The following MKRN2OS variants were observed in gnomAD, a reference collection of about 807,000 sequenced individuals.
The protein encoded by MKRN2OS is MKRN2 opposite strand, also known as MKRN2 opposite strand protein.
A neutral mutation model predicts 18.2 loss-of-function variants in MKRN2OS; 17 were observed. That is an observed-to-expected ratio of 0.93 (90% CI 0.64 to 1.40). MKRN2OS has a LOEUF of 1.40. Among genes scored for constraint, MKRN2OS ranks in the 40% most tolerant of loss-of-function variants. The pLI, the probability that MKRN2OS is intolerant of heterozygous loss-of-function variation, is 0.00. For synonymous variants in MKRN2OS, 121 were observed against 108.5 expected, an observed-to-expected ratio of 1.12 and a Z score of -0.72; for missense variants, 337 against 283.0, an observed-to-expected ratio of 1.19 and a Z score of -1.37.
upstream of MKRN2OS, among the ~76,000 whole-genome samples, chr3:12,547,457 C>T (rs919835705): frequency 3.9e-5 from 6 of 151,940 alleles, no homozygotes; most frequent in Non-Finnish European, 8.8e-5. Context: ...GGTGGGAGGA[C>T]TGCTTGAGCC....
At chr3:12,546,309 T>A (rs571423823), upstream of MKRN2OS, among the ~76,000 whole-genome samples, 14 of 152,250 alleles carry the variant, frequency 9.2e-5, no homozygotes, top group South Asian at 4.1e-4. Flanking sequence ...GGGATTTTTT[T>A]AAAAAGTTAA....
chr3:12,557,049 G>GCGTGCGCCGT, intron 1 of MKRN2OS: 1 of 1,274,690 alleles, frequency 7.8e-7, no homozygotes, highest in South Asian at 2.3e-5. Flanking sequence ...GCGTGCGCCG[G>GCGTGCGCCGT]CGTGACGCGG....
At chr3:12,555,807 G>T (rs962136216) in intron 1 of MKRN2OS, among the ~76,000 whole-genome samples, 3 of 152,194 alleles carry the variant, frequency 2.0e-5, no homozygotes, top group Non-Finnish European at 4.4e-5. Context: ...GGATCCTTCC[G>T]GCTCAACCTC....
rs895320296 is a variant in MKRN2OS, at chr3:12,545,360, G to A, written c.105C>T (p.Asp35=). 1 of 1,536,032 alleles carries A rather than the reference G, an allele frequency of 6.5e-7. No individual in the cohort carries two copies. Among genetic ancestry groups the A allele is most frequent in the African/African-American group, 1.4e-5 (1 of 73,152 alleles). Residue 35 remains aspartate (D), a synonymous_variant, in exon 1 of 4, where the codon GAC becomes GAT. Coordinates refer to ENST00000564146, the MANE Select transcript of MKRN2OS (RefSeq NM_001195279.2). The stretch of plus-strand genomic sequence containing the variant: ...CGTCCTCCAGCTTCCTCGAGCCCAG[G>A]TCCTGCTGGCAGAGAGGGCAGCACT... ...VPQCCPLCQQ[D]LGSRKLEDAP...
chr3:12,554,486 G>C (rs1342124166), intron 1 of MKRN2OS, among the ~76,000 whole-genome samples: 2 of 143,606 alleles, frequency 1.4e-5, no homozygotes. Context: ...TGAAATATAT[G>C]AAATATATAT....
chr3:12,555,311 C>CAA (rs35617395), intron 1 of MKRN2OS, among the ~76,000 whole-genome samples: 48,087 of 97,982 alleles, frequency 0.49, 11,215 homozygotes, highest in African/African-American at 0.56. Flanking sequence ...GACTCCGTCT[C>CAA]AAAAAAAAAA....
Position 12,545,348 on chromosome 3 carries a change from C to T in MKRN2OS, c.117G>A (p.Arg39=), listed in dbSNP as rs995539441. ...CPLCQQDLGS[R]KLEDAPVSIA... ...TGCTAACAGGTGCGTCCTCCAGCTTCCTCGAGCCCAGGTCCTGCTGGCAGA... is the reference window on the plus strand; with the variant it reads ...TGCTAACAGGTGCGTCCTCCAGCTTTCTCGAGCCCAGGTCCTGCTGGCAGA... The change falls in exon 1 of 4, where the codon AGG becomes AGA. Residue 39 remains arginine, a synonymous_variant. Transcript: ENST00000564146. 6.5e-7 allele frequency: 1 copy of T among 1,536,028 alleles called. No individual in the cohort carries two copies. The highest frequency in any genetic ancestry group is 1.4e-5 in the African/African-American group (1 of 73,046).
chr3:12,541,838 G>T, intron 3 of MKRN2OS, 22 bp downstream of exon 3: 7 of 1,531,730 alleles, frequency 4.6e-6, no homozygotes, highest in Non-Finnish European at 6.1e-6. Flanking sequence ...TCAGCGAGGG[G>T]GCAGCATTTG....
downstream of MKRN2OS, among the ~76,000 whole-genome samples, chr3:12,552,472 C>T (rs1298012193): frequency 9.5e-5 from 14 of 148,032 alleles, no homozygotes; most frequent in South Asian, 6.4e-4. Context: ...AGTGCAATGG[C>T]GCCATCTCAG....
upstream of MKRN2OS, among the ~76,000 whole-genome samples, chr3:12,550,177 C>T (rs2057918837): frequency 2.0e-5 from 3 of 152,170 alleles, no homozygotes. Flanking sequence ...ATTGCTAATA[C>T]TTGGAAGCAA....
At chr3:12,543,728 A>G (rs567527771) in intron 1 of MKRN2OS, among the ~76,000 whole-genome samples, 132 of 151,950 alleles carry the variant, frequency 8.7e-4, no homozygotes, top group Non-Finnish European at 1.5e-3. Flanking sequence ...TCTACTAAAA[A>G]ATAAAATACA....
Position 12,541,927 on chromosome 3 carries a change from C to T in MKRN2OS, c.364G>A (p.Gly122Arg). Residue 122 changes from glycine (G) to arginine (R), a missense_variant, in exon 3 of 4, where the codon GGA becomes AGA. Transcript: ENST00000564146. Reference sequence around the variant, plus strand: ...TACTTGTCCCATTGCTCCATCATTCCATACATGTTGGGCTGCAGTAATGGG... The same window carrying T: ...TACTTGTCCCATTGCTCCATCATTCTATACATGTTGGGCTGCAGTAATGGG... The part of the protein sequence containing the change: ...SIPLLQPNMY[G>R]MMEQWDKYLE... The T allele has an allele frequency of 6.5e-7, 1 of 1,536,090 alleles. No homozygotes were observed. The highest frequency in any genetic ancestry group is 8.7e-7 in the Non-Finnish European group (1 of 1,146,892).
chr3:12,549,021 A>T (rs554014961), upstream of MKRN2OS, among the ~76,000 whole-genome samples: 116 of 152,104 alleles, frequency 7.6e-4, no homozygotes, highest in African/African-American at 2.7e-3. Flanking sequence ...TGCAACCTCC[A>T]CCTCCCAGGT....
At chr3:12,557,344 C>G (rs570301636) in intron 1 of MKRN2OS, among the ~76,000 whole-genome samples, 11 of 152,290 alleles carry the variant, frequency 7.2e-5, no homozygotes, top group African/African-American at 2.4e-4. Flanking sequence ...CCGCCACAGC[C>G]GGGGATCCGG....
chr3:12,545,207 GTT>G, intron 1 of MKRN2OS, 38 bp downstream of exon 1: 1 of 1,429,020 alleles, frequency 7.0e-7, no homozygotes, highest in African/African-American at 1.4e-5. Context: ...AGAAGGAAAA[GTT>G]TGCACAATGC....
At chr3:12,558,497 T>A (rs2058004278) in intron 1 of MKRN2OS, among the ~76,000 whole-genome samples, 2 of 152,222 alleles carry the variant, frequency 1.3e-5, no homozygotes, top group Admixed American at 1.3e-4. Context: ...TACCATTTAT[T>A]CCCGTACCTC....
chr3:12,547,408 G>C (rs1241054437), upstream of MKRN2OS, among the ~76,000 whole-genome samples: 1 of 151,948 alleles, frequency 6.6e-6, no homozygotes, highest in African/African-American at 2.4e-5. Context: ...GCCAGATTTG[G>C]TGGTGTGTAC....
intron 1 of MKRN2OS, chr3:12,556,992 C>T (rs2057977423): frequency 1.2e-5 from 10 of 802,300 alleles, no homozygotes; most frequent in East Asian, 3.5e-5. Flanking sequence ...GGCTAGGTTA[C>T]CCGCCGGCGC....
At chr3:12,558,697 A>G (rs2442800) in intron 1 of MKRN2OS, among the ~76,000 whole-genome samples, 21,873 of 152,224 alleles carry the variant, frequency 0.14, 1,944 homozygotes, top group Non-Finnish European at 0.21. Flanking sequence ...TTTTCCTTGT[A>G]TACCTGGAGA....
Sources: allele counts gnomAD v4.1 joint callset (sites outside exome capture counted in the v4.1 genomes callset), GRCh38; gene constraint gnomAD v4.1.1; transcripts MANE v1.5; gene names NCBI Gene and HGNC (gene_info 2026-07-23, HGNC 2026-07-21).